The following TMPRSS15 variants were observed in gnomAD, a reference collection of about 807,000 sequenced individuals.
The protein encoded by TMPRSS15 is transmembrane serine protease 15, also known as enteropeptidase.
A neutral mutation model predicts 125.3 loss-of-function variants in TMPRSS15; 128 were observed. The ratio of observed to expected loss-of-function variants is 1.02; its 90% CI spans 0.89 to 1.18. TMPRSS15 has a LOEUF of 1.18. TMPRSS15 is among the 50% of genes most tolerant of loss of function. TMPRSS15 has a pLI of 0.00. For missense variants in TMPRSS15, 1,283 were observed against 1,212.7 expected (o/e 1.06, Z -0.86); for synonymous variants, 446 against 423.2 (o/e 1.05, Z -0.66).
At chr21:18,437,823 A>G (rs964108712) in intron 1 of TMPRSS15, among the ~76,000 whole-genome samples, 45 of 152,290 alleles carry the variant, frequency 3.0e-4, no homozygotes, top group Non-Finnish European at 5.9e-4. Flanking sequence ...AAGTCAGGAA[A>G]CAACAGGTGC....
At chr21:18,373,730 C>T (rs2075814542) in intron 5 of TMPRSS15, among the ~76,000 whole-genome samples, 1 of 152,182 alleles carries the variant, frequency 6.6e-6, no homozygotes, top group South Asian at 2.1e-4. Flanking sequence ...TAATGCTTCT[C>T]ATGGGAGCTC....
At chr21:18,472,180 TAAG>T (rs1290148788) in intron 1 of TMPRSS15, among the ~76,000 whole-genome samples, 3 of 152,028 alleles carry the variant, frequency 2.0e-5, no homozygotes, top group Non-Finnish European at 4.4e-5. Context: ...CATACACCTT[TAAG>T]AAGGATTACC....
chr21:18,476,141 T>C (rs1978875960), intron 1 of TMPRSS15, among the ~76,000 whole-genome samples: 1 of 152,112 alleles, frequency 6.6e-6, no homozygotes, highest in Non-Finnish European at 1.5e-5. Context: ...ATGAAAAAAA[T>C]TATATGCCAT....
Position 18,355,252 on chromosome 21 carries a change from CA to C in TMPRSS15, c.881-1390del, listed in dbSNP as rs1368021608. On this transcript the variant is annotated intron_variant, in intron 8 of 24. Transcript: ENST00000284885. The stretch of plus-strand genomic sequence containing the variant: ...CTCTTTTTTCCTTTTTATTCCATGG[CA>C]ATGGAATTCTCTTGGACAATGGCCT... Among the ~76,000 whole-genome samples, 6 of 151,892 alleles carry C rather than the reference CA, an allele frequency of 4.0e-5. No individual in the cohort carries two copies. The East Asian group carries it at 1.2e-3, about 29-fold the overall frequency.
At chr21:18,278,509 G>T (rs990251569) in intron 23 of TMPRSS15, among the ~76,000 whole-genome samples, 1 of 152,088 alleles carries the variant, frequency 6.6e-6, no homozygotes, top group East Asian at 1.9e-4. Context: ...CACGAGGTCA[G>T]GAGATCGAGA....
chr21:18,370,713 C>T, intron 6 of TMPRSS15, among the ~76,000 whole-genome samples: 1 of 152,122 alleles, frequency 6.6e-6, no homozygotes, highest in East Asian at 1.9e-4. Context: ...TATCCAAGAA[C>T]ATTTGCATCG....
At chr21:18,383,222 G>A (rs1431211722) in intron 4 of TMPRSS15, among the ~76,000 whole-genome samples, 1 of 142,158 alleles carries the variant, frequency 7.0e-6, no homozygotes, top group African/African-American at 2.6e-5. Flanking sequence ...ACAAACTTCT[G>A]TGCATGCCAA....
chr21:18,276,642 G>A (rs1366337839), intron 23 of TMPRSS15, among the ~76,000 whole-genome samples: 1 of 151,882 alleles, frequency 6.6e-6, no homozygotes, highest in Non-Finnish European at 1.5e-5. Context: ...TTTACTGATT[G>A]CCTTGATTTA....
rs944070252 is a variant in TMPRSS15 at position 18,428,383 on chromosome 21, T to A, written c.11-30054A>T. Reference sequence around the variant, plus strand: ...AGAAATTCAAGCAGGCTGCAGAAATTTGCATAAGTAACAAGGAGCCAAATG... The same window carrying A: ...AGAAATTCAAGCAGGCTGCAGAAATATGCATAAGTAACAAGGAGCCAAATG... On this transcript the variant is annotated intron_variant, in intron 1 of 7. Transcript: ENST00000422787. Among the ~76,000 whole-genome samples the A allele has an allele frequency of 5.9e-5, 9 of 152,256 alleles. 1 individual carries two copies. In the South Asian group the frequency reaches 1.2e-3, roughly 21 times the overall value.
At chr21:18,342,466 C>T (rs1160187780) in intron 12 of TMPRSS15, among the ~76,000 whole-genome samples, 1 of 152,176 alleles carries the variant, frequency 6.6e-6, no homozygotes, top group Non-Finnish European at 1.5e-5. Flanking sequence ...ATGGCAAAGC[C>T]AAAGTGCACG....
chr21:18,409,599 T>A (rs902941508), intron 1 of TMPRSS15, among the ~76,000 whole-genome samples: 1 of 152,126 alleles, frequency 6.6e-6, no homozygotes, highest in African/African-American at 2.4e-5. Context: ...CATCCCTAAT[T>A]TACAAATTTG....
At chr21:18,400,618 A>T (rs1041101462) in intron 1 of TMPRSS15, among the ~76,000 whole-genome samples, 1 of 152,168 alleles carries the variant, frequency 6.6e-6, no homozygotes, top group Admixed American at 6.5e-5. Context: ...ACCTCAAACT[A>T]TAACAATCCT....
chr21:18,369,851 T>C (rs1569038298), intron 6 of TMPRSS15, among the ~76,000 whole-genome samples: 1 of 151,216 alleles, frequency 6.6e-6, no homozygotes, highest in African/African-American at 2.4e-5. Flanking sequence ...TTAAAATGAA[T>C]AAAGCAACTT....
intron 7 of TMPRSS15, among the ~76,000 whole-genome samples, chr21:18,363,446 A>G (rs2075696338): frequency 6.6e-6 from 1 of 152,120 alleles, no homozygotes; most frequent in African/African-American, 2.4e-5. Flanking sequence ...TAAACCCTCT[A>G]AATGTGACCT....
intron 15 of TMPRSS15, among the ~76,000 whole-genome samples, chr21:18,326,820 C>A (rs115023459): frequency 3.2e-4 from 48 of 152,322 alleles, no homozygotes; most frequent in African/African-American, 1.1e-3. Context: ...TGATGAATTA[C>A]TTATAATATA....
intron 5 of TMPRSS15, among the ~76,000 whole-genome samples, chr21:18,377,125 T>TGTA (rs1390502342): frequency 6.6e-6 from 1 of 152,162 alleles, no homozygotes; most frequent in Non-Finnish European, 1.5e-5. Flanking sequence ...TGGGCATTTA[T>TGTA]GTAGTACATG....
chr21:18,422,044 C>A (rs1231840536), intron 1 of TMPRSS15, among the ~76,000 whole-genome samples: 3 of 149,264 alleles, frequency 2.0e-5, no homozygotes, highest in Non-Finnish European at 4.4e-5. Context: ...AGTGCAGTGG[C>A]ATGACCTAGG....
intron 6 of TMPRSS15, among the ~76,000 whole-genome samples, chr21:18,370,873 A>T (rs2075785385): frequency 6.6e-6 from 1 of 152,188 alleles, no homozygotes; most frequent in Admixed American, 6.5e-5. Flanking sequence ...ATCTTTAATT[A>T]CTATCAAGCA....
intron 6 of TMPRSS15, among the ~76,000 whole-genome samples, chr21:18,365,517 T>TTCCC (rs199867610): frequency 6.7e-6 from 1 of 149,738 alleles, no homozygotes; most frequent in Non-Finnish European, 1.5e-5. Context: ...CCTTCCTTCC[T>TTCCC]TCCCTCCCTC....
Sources: gnomAD v4.1 joint callset for allele counts (sites outside exome capture counted in the v4.1 genomes callset) on GRCh38, gnomAD v4.1.1 for gene constraint, MANE v1.5 for transcripts, NCBI Gene and HGNC (gene_info 2026-07-23, HGNC 2026-07-21) for gene names.